The following UCHL5 variants were observed in gnomAD, a reference collection of about 807,000 sequenced individuals.
UCHL5 encodes the protein ubiquitin carboxyl-terminal hydrolase isozyme L5.
Under a neutral mutation model 53.8 loss-of-function variants are expected in UCHL5, and 34 were observed. The observed-to-expected ratio is 0.63, with a 90% CI of 0.48 to 0.84. The LOEUF (loss-of-function observed/expected upper bound fraction) is 0.84. UCHL5 is among the 40% of genes least tolerant of loss of function. The probability of loss-of-function intolerance (pLI) is 0.00; values close to 1 mark genes in which losing one functional copy is unlikely to be tolerated. For synonymous variants in UCHL5, 111 were observed against 126.3 expected (o/e 0.88, Z 0.81); for missense variants, 290 against 385.6 (o/e 0.75, Z 2.08).
intron 8 of UCHL5, 111 bp downstream of exon 8, chr1:193,023,733 A>G (rs970370579): frequency 2.5e-6 from 2 of 800,606 alleles, no homozygotes; most frequent in Non-Finnish European, 3.9e-6. Context: ...TCCAGTGTGT[A>G]TTCGCTTAGC....
At position 193,021,149 on chromosome 1, in the gene UCHL5, T is replaced by A. The variant is rs1226750299; in HGVS notation, c.890A>T (p.Glu297Val). Reference protein sequence around the residue: ...RKHNYLPFIMELLKTLAEHQQ... With the variant: ...RKHNYLPFIMVLLKTLAEHQQ... The stretch of plus-strand genomic sequence containing the variant: ...GTGTTCTGCTAAAGTCTTTAACAAT[T>A]CCATAATGAAAGGCAGATAATTATG... Residue 297 changes from glutamate (E) to valine (V), a missense_variant, in exon 10 of 11, where the codon GAA becomes GTA. Transcript: ENST00000367454. 1 of 1,610,880 alleles carries A rather than the reference T, an allele frequency of 6.2e-7. No homozygotes were observed. The highest frequency in any genetic ancestry group is 2.2e-5 in the East Asian group (1 of 44,726).
chr1:193,016,254 C>A lies in UCHL5; in HGVS notation c.*97G>T. ...GGCTGGCACTATTGCCAAACGTGCA[C>A]TGAGCCAATTAGGATGTTGCTCTAA... On this transcript the variant is annotated 3_prime_UTR_variant, in exon 11 of 11. Transcript: ENST00000367454. 7.0e-7 allele frequency: 1 copy of A among 1,434,498 alleles called. No homozygotes were observed. The highest frequency in any genetic ancestry group is 9.5e-7 in the Non-Finnish European group (1 of 1,049,970). 88.9% of individuals were successfully genotyped at this position (1,434,498 alleles called of 1,614,324 possible).
Position 193,036,317 on chromosome 1 carries a change from C to CAAAAAAA in UCHL5, c.247-6667_247-6661dup, listed in dbSNP as rs960496083. Among the ~76,000 whole-genome samples, 266 of 50,842 alleles carry CAAAAAAA rather than the reference C, an allele frequency of 5.2e-3. 2 individuals carry two copies. The highest frequency in any genetic ancestry group is 6.2e-3 in the Non-Finnish European group (183 of 29,412). 33.4% of individuals were successfully genotyped at this position (50,842 alleles called of 152,430 possible). A position where few individuals can be genotyped will look rare whatever the true frequency, so the allele number is the denominator to read the frequency against. On this transcript the variant is annotated intron_variant, in intron 3 of 10. Coordinates refer to ENST00000367454, the MANE Select transcript of UCHL5 (RefSeq NM_001199261.3). Reference sequence around the variant, plus strand: ...GAAGATATTCTGTGCAACTGGAAACCAAAAAAAAAAAAAAAAAAAAAAAAA... The same window carrying CAAAAAAA: ...GAAGATATTCTGTGCAACTGGAAACCAAAAAAAAAAAAAAAAAAAAAAAAAAAAAAAA...
chr1:193,032,571 A>G (rs1337709233), intron 3 of UCHL5, among the ~76,000 whole-genome samples: 1 of 152,228 alleles, frequency 6.6e-6, no homozygotes, highest in Non-Finnish European at 1.5e-5. Context: ...AAAAGAAACT[A>G]TCATCAGAGT....
chr1:193,028,291 GT>G, intron 6 of UCHL5, 143 bp from the exon 7 acceptor site: 1 of 585,946 alleles, frequency 1.7e-6, no homozygotes, highest in South Asian at 3.6e-5. Context: ...TAATTATGTT[GT>G]TTCAATTCCA....
At chr1:193,045,482 T>C (rs1327436140) in intron 3 of UCHL5, among the ~76,000 whole-genome samples, 2 of 152,212 alleles carry the variant, frequency 1.3e-5, no homozygotes, top group African/African-American at 4.8e-5. Flanking sequence ...TCTCTTTCTC[T>C]CTTGCTCCAG....
At chr1:193,033,268 A>T (rs567577982) in intron 3 of UCHL5, among the ~76,000 whole-genome samples, 1 of 152,260 alleles carries the variant, frequency 6.6e-6, no homozygotes, top group African/African-American at 2.4e-5. Flanking sequence ...TCAGCAAACT[A>T]ACACAGGAAC....
chr1:193,017,731 G>C (rs1005758553), intron 10 of UCHL5, among the ~76,000 whole-genome samples: 2 of 151,494 alleles, frequency 1.3e-5, no homozygotes, highest in Non-Finnish European at 3.0e-5. Context: ...ATATAAGGCA[G>C]AGTGTCTATA....
At chr1:193,054,844 A>T (rs754927323) in intron 1 of UCHL5, among the ~76,000 whole-genome samples, 22 of 152,198 alleles carry the variant, frequency 1.4e-4, no homozygotes, top group Non-Finnish European at 4.4e-5. Context: ...CAGAGTTGTT[A>T]TAGATGATGG....
Position 193,029,400 on chromosome 1 carries a change from T to C in UCHL5, c.422A>G (p.Asn141Ser). 1 of 1,613,820 alleles carries C rather than the reference T, an allele frequency of 6.2e-7. No homozygotes were observed. Among genetic ancestry groups the C allele is most frequent in the Non-Finnish European group, 8.5e-7 (1 of 1,179,876 alleles). The stretch of plus-strand genomic sequence containing the variant: ...AAAGTCTCTTTACCTGGCGAAACTG[T>C]TGTGTACTTGTCGAATCACATCTGA... The part of the protein sequence containing the change: ...SNSDVIRQVH[N>S]SFARQQMFEF... The change falls in exon 5 of 11, where the codon AAC becomes AGC. Residue 141 changes from asparagine to serine, a missense_variant. By Grantham distance (46) the Asn-to-Ser change is conservative. Coordinates refer to ENST00000367454, the MANE Select transcript of UCHL5 (RefSeq NM_001199261.3).
chr1:193,043,165 A>AAAAAAAAAAAAC (rs1178557386), intron 3 of UCHL5, among the ~76,000 whole-genome samples: 3 of 148,074 alleles, frequency 2.0e-5, no homozygotes, highest in Non-Finnish European at 3.0e-5. Context: ...AAAAAAAAAA[A>AAAAAAAAAAAAC]AAAAAAAAAA....
At chr1:193,053,469 C>A (rs895966264) in intron 1 of UCHL5, among the ~76,000 whole-genome samples, 14 of 152,166 alleles carry the variant, frequency 9.2e-5, no homozygotes, top group Admixed American at 9.2e-4. Context: ...ACACAGTATT[C>A]AATTTAGCAT....
intron 10 of UCHL5, 126 bp downstream of exon 10, chr1:193,020,971 A>T (rs111275970): frequency 3.0e-6 from 2 of 667,560 alleles, no homozygotes. Flanking sequence ...AAGAGGCAAA[A>T]GCAAAAGAAT....
chr1:193,022,251 T>G (rs1353573390), intron 9 of UCHL5, among the ~76,000 whole-genome samples: 1 of 152,136 alleles, frequency 6.6e-6, no homozygotes, highest in Non-Finnish European at 1.5e-5. Flanking sequence ...TTAAGTATGA[T>G]GCAAAGTATC....
chr1:193,056,827 C>T (rs968155690), intron 1 of UCHL5, among the ~76,000 whole-genome samples: 13 of 152,182 alleles, frequency 8.5e-5, no homozygotes, highest in Admixed American at 7.2e-4. Context: ...TTGGAATAAA[C>T]TGATTTTCTC....
intron 7 of UCHL5, among the ~76,000 whole-genome samples, chr1:193,027,149 T>C (rs1358849527): frequency 1.3e-5 from 2 of 152,156 alleles, no homozygotes; most frequent in Non-Finnish European, 2.9e-5. Context: ...GAGAGCAAAT[T>C]TTGCTGTATC....
At chr1:193,044,569 T>G (rs1666770648) in intron 3 of UCHL5, among the ~76,000 whole-genome samples, 8 of 152,100 alleles carry the variant, frequency 5.3e-5, no homozygotes. Context: ...GCAACCCCCT[T>G]GAATTAGAGT....
At chr1:193,046,716 T>A (rs1331847277) in intron 3 of UCHL5, among the ~76,000 whole-genome samples, 1 of 147,988 alleles carries the variant, frequency 6.8e-6, no homozygotes, top group Non-Finnish European at 1.5e-5. Context: ...AATTTTTGTA[T>A]ATTTAAATTT....
chr1:193,022,212 C>A (rs1049685073), intron 9 of UCHL5, among the ~76,000 whole-genome samples: 1 of 152,102 alleles, frequency 6.6e-6, no homozygotes, highest in Non-Finnish European at 1.5e-5. Flanking sequence ...AAGGCCCATT[C>A]ATTTCACTTA....
Sources: gnomAD v4.1 joint callset for allele counts (sites outside exome capture counted in the v4.1 genomes callset) on GRCh38, gnomAD v4.1.1 for gene constraint, MANE v1.5 for transcripts, NCBI Gene and HGNC (gene_info 2026-07-23, HGNC 2026-07-21) for gene names.